The following PACSIN1 variants were observed in gnomAD, a reference collection of about 807,000 sequenced individuals.
The protein encoded by PACSIN1 is protein kinase C and casein kinase substrate in neurons 1.
PACSIN1 carries 15 observed loss-of-function variants against 59.5 expected under a neutral mutation model. The observed-to-expected ratio is 0.25, with a 90% confidence interval of 0.17 to 0.39. The LOEUF (loss-of-function observed/expected upper bound fraction) is 0.39, where lower values mean the gene tolerates loss of function less well. Ranked by LOEUF, PACSIN1 falls within the 10% of genes least tolerant of loss-of-function variation. The pLI is 1.00. For missense variants in PACSIN1, 420 were observed against 580.2 expected (o/e 0.72, Z 2.84); for synonymous variants, 210 against 220.6 (o/e 0.95, Z 0.42).
At chr6:34,468,874 T>G (rs1436046988) in intron 1 of PACSIN1, among the ~76,000 whole-genome samples, 1 of 129,916 alleles carries the variant, frequency 7.7e-6, no homozygotes, top group African/African-American at 3.0e-5. Context: ...TGGCACAGAG[T>G]AGACCCAGCT....
chr6:34,505,020 A>G (rs1767087696), intron 1 of PACSIN1, among the ~76,000 whole-genome samples: 2 of 151,456 alleles, frequency 1.3e-5, no homozygotes, highest in African/African-American at 4.8e-5. Context: ...TTTTTTAGGA[A>G]TGAGGTCTCT....
intron 1 of PACSIN1, among the ~76,000 whole-genome samples, chr6:34,479,223 T>C (rs1029945192): frequency 3.3e-5 from 5 of 151,902 alleles, no homozygotes; most frequent in Non-Finnish European, 5.9e-5. Context: ...AAATTTAATA[T>C]AAAGCCAATG....
At chr6:34,502,386 G>A (rs576931626) in intron 1 of PACSIN1, among the ~76,000 whole-genome samples, 2 of 152,086 alleles carry the variant, frequency 1.3e-5, no homozygotes, top group East Asian at 3.9e-4. Context: ...AAGGGACAGG[G>A]ACAAGCATCC....
rs1767271417 is a variant in PACSIN1, at chr6:34,515,237, TTGTCAGAAC to T, written c.-63-11005_-63-10997del. Among the ~76,000 whole-genome samples, 1 of 152,186 alleles carries T rather than the reference TTGTCAGAAC, an allele frequency of 6.6e-6. No individual in the cohort carries two copies. The highest frequency in any genetic ancestry group is 6.5e-5 in the Admixed American group (1 of 15,284). On this transcript the variant is annotated intron_variant, in intron 1 of 9. Transcript: ENST00000244458. This position sits in a 1 kb window ranked among gnomAD's most constrained non-coding sequence, Gnocchi z 4.4. ...GGCGCAGCCAGCATCCTGAGAGGTC[TTGTCAGAAC>T]CGTCAGAACCTTGATCCTCCTCATC...
At position 34,530,377 on chromosome 6, in the gene PACSIN1, G is replaced by A. The variant is rs774801081; in HGVS notation, c.909+14G>A. The A allele has an allele frequency of 3.1e-6, 5 of 1,612,606 alleles. No individual in the cohort carries two copies. Among genetic ancestry groups the A allele is most frequent in the African/African-American group, 1.3e-5 (1 of 75,018 alleles). On this transcript the variant is annotated intron_variant, in intron 7 of 9. Coordinates refer to ENST00000244458, the MANE Select transcript of PACSIN1 (RefSeq NM_020804.5). This position sits in a 1 kb window ranked among gnomAD's most constrained non-coding sequence, Gnocchi z 4.4. ...CCCCAGTTTGAGGTGAGGATATGTGGGGATGGGAAGGGGAGCCTGAAGAGG... is the reference window on the plus strand; with the variant it reads ...CCCCAGTTTGAGGTGAGGATATGTGAGGATGGGAAGGGGAGCCTGAAGAGG...
chr6:34,505,958 A>G lies in PACSIN1; in HGVS notation c.-63-20285A>G, dbSNP rs553329632. ...CCATTCTATTTAGAAAGCTCACTGG[A>G]CGTTGAGCCCATCCAGTGAGCTTTC... On this transcript the variant is annotated intron_variant, in intron 1 of 9. Coordinates refer to ENST00000244458, the MANE Select transcript of PACSIN1 (RefSeq NM_020804.5). 9.2e-4 allele frequency among the ~76,000 whole-genome samples: 140 copies of G among 151,982 alleles called. 1 individual carries two copies. The highest frequency in any genetic ancestry group is 3.2e-3 in the African/African-American group (131 of 41,492).
chr6:34,489,638 G>A (rs1198766142), intron 1 of PACSIN1, among the ~76,000 whole-genome samples: 3 of 152,202 alleles, frequency 2.0e-5, no homozygotes, highest in African/African-American at 7.2e-5. Context: ...TCAGGGACCA[G>A]TGAGACTACC....
At chr6:34,476,427 C>T (rs1766639546) in intron 1 of PACSIN1, among the ~76,000 whole-genome samples, 1 of 151,976 alleles carries the variant, frequency 6.6e-6, no homozygotes, top group African/African-American at 2.4e-5. Flanking sequence ...CCCCACACTC[C>T]CTCCCCCCTC....
chr6:34,483,107 T>C (rs1274115998), intron 1 of PACSIN1, among the ~76,000 whole-genome samples: 1 of 149,370 alleles, frequency 6.7e-6, no homozygotes, highest in East Asian at 2.0e-4. Flanking sequence ...TGGGCTCAAG[T>C]GATCCTCCCA....
intron 1 of PACSIN1, among the ~76,000 whole-genome samples, chr6:34,480,921 T>C (rs1766709472): frequency 6.6e-6 from 1 of 152,082 alleles, no homozygotes; most frequent in Non-Finnish European, 1.5e-5. Context: ...TTCTTTTTTT[T>C]TTTTTAGAAT....
intron 1 of PACSIN1, among the ~76,000 whole-genome samples, chr6:34,487,378 C>G (rs964797237): frequency 2.0e-5 from 3 of 152,170 alleles, no homozygotes; most frequent in African/African-American, 7.2e-5. Flanking sequence ...CATGGAATCA[C>G]GTGGAATGTG....
chr6:34,520,255 G>A (rs1006184250), intron 1 of PACSIN1, among the ~76,000 whole-genome samples: 12 of 152,230 alleles, frequency 7.9e-5, no homozygotes, highest in Admixed American at 3.3e-4. Context: ...CAAGCCAGGC[G>A]CTGTGAGCCT....
chr6:34,530,057 A>G lies in PACSIN1; in HGVS notation c.789-186A>G, dbSNP rs548953070. Reference sequence around the variant, plus strand: ...CATGCTGGATGATGGGTGAATGGCTAAGGTGGGAGGGAAAAGGAGTCCACC... The same window carrying G: ...CATGCTGGATGATGGGTGAATGGCTGAGGTGGGAGGGAAAAGGAGTCCACC... On this transcript the variant is annotated intron_variant, in intron 6 of 9. Transcript: ENST00000244458. The surrounding 1 kb of genome is among the most constrained non-coding windows in gnomAD (Gnocchi z 4.4). 6.6e-6 allele frequency among the ~76,000 whole-genome samples: 1 copy of G among 152,242 alleles called. No homozygotes were observed. The highest frequency in any genetic ancestry group is 2.4e-5 in the African/African-American group (1 of 41,526).
chr6:34,499,340 T>G (rs1305848636), intron 1 of PACSIN1, among the ~76,000 whole-genome samples: 2 of 151,598 alleles, frequency 1.3e-5, no homozygotes, highest in Non-Finnish European at 2.9e-5. Context: ...TGCTCACCAC[T>G]TACCTCCTGG....
intron 1 of PACSIN1, among the ~76,000 whole-genome samples, chr6:34,495,652 C>G (rs1029634074): frequency 6.6e-6 from 1 of 152,120 alleles, no homozygotes; most frequent in Non-Finnish European, 1.5e-5. Flanking sequence ...AGGGTTTCAC[C>G]CTGTTGGCCA....
intron 1 of PACSIN1, among the ~76,000 whole-genome samples, chr6:34,492,195 C>CTTTTTT (rs55745060): frequency 2.2e-4 from 18 of 80,176 alleles, no homozygotes; most frequent in East Asian, 3.7e-4. Context: ...CTTTTTTGAC[C>CTTTTTT]TTTTTTTTTT....
intron 1 of PACSIN1, among the ~76,000 whole-genome samples, chr6:34,517,495 C>T (rs542794644): frequency 1.3e-5 from 2 of 152,096 alleles, no homozygotes; most frequent in Non-Finnish European, 2.9e-5. Flanking sequence ...GTTCCCTCCC[C>T]CAACCTCTCC....
At chr6:34,479,235 C>T (rs924990178) in intron 1 of PACSIN1, among the ~76,000 whole-genome samples, 2 of 151,408 alleles carry the variant, frequency 1.3e-5, no homozygotes, top group East Asian at 1.9e-4. Context: ...AAGCCAATGT[C>T]TCCATCATGT....
intron 1 of PACSIN1, among the ~76,000 whole-genome samples, chr6:34,497,867 C>T (rs1436817266): frequency 2.6e-5 from 4 of 152,076 alleles, no homozygotes; most frequent in African/African-American, 9.7e-5. Flanking sequence ...CCATGGGCCA[C>T]GCCTCATGCT....
Sources: allele counts gnomAD v4.1 joint callset (sites outside exome capture counted in the v4.1 genomes callset), GRCh38; gene constraint gnomAD v4.1.1; non-coding constraint Gnocchi (gnomAD v3.1); transcripts MANE v1.5; gene names NCBI Gene and HGNC (gene_info 2026-07-23, HGNC 2026-07-21).